DPH6: variants seen among roughly 807,000 people sequenced by gnomAD.
DPH6 encodes the protein diphthine--ammonia ligase.
A neutral mutation model predicts 38.2 loss-of-function variants in DPH6; 33 were observed. That is an observed-to-expected ratio of 0.86 (90% confidence interval 0.65 to 1.15). The LOEUF (loss-of-function observed/expected upper bound fraction) is 1.15, where lower values mean the gene tolerates loss of function less well. DPH6 is among the 50% of genes most tolerant of loss of function. The pLI is 0.00. For synonymous variants in DPH6, 108 were observed against 103.0 expected (o/e 1.05, Z -0.30); for missense variants, 325 against 320.0 (o/e 1.02, Z -0.12).
intron 3 of DPH6, among the ~76,000 whole-genome samples, chr15:35,304,581 C>G (rs756406875): frequency 6.6e-6 from 1 of 152,068 alleles, no homozygotes; most frequent in Non-Finnish European, 1.5e-5. Flanking sequence ...AATGCCAAAT[C>G]CAGTTATCAA....
At chr15:35,467,882 AAAATGTTGTGCTATGACATT>A (rs1398196052) in intron 3 of DPH6, among the ~76,000 whole-genome samples, 118 of 152,352 alleles carry the variant, frequency 7.7e-4, no homozygotes, top group African/African-American at 2.7e-3. Flanking sequence ...ACACATGAGT[AAAATGTTGTGCTATGACATT>A]AAGATGGCTG....
In DPH6 at chr15:35,493,186, CAA is replaced by C. The variant is rs1328110002; in HGVS notation, c.313-38368_313-38367del. ...CAGAAATTGAATTTATAGTCACAAA[CAA>C]AAGCTAATTGGATCATTTATTGTTT... On this transcript the variant is annotated intron_variant, in intron 3 of 8. Transcript: ENST00000256538. Among the ~76,000 whole-genome samples, 3 of 150,338 alleles carry C rather than the reference CAA, an allele frequency of 2.0e-5. No homozygotes were observed. The East Asian group carries it at 5.9e-4, about 29-fold the overall frequency.
the DPH6 span, among the ~76,000 whole-genome samples, chr15:35,153,828 C>T: frequency 1.7e-4 from 26 of 152,042 alleles, no homozygotes; most frequent in African/African-American, 6.0e-4. Flanking sequence ...GACATGAATG[C>T]TTGAGGTAGG....
chr15:35,276,594 T>C (rs945987691), intron 3 of DPH6, among the ~76,000 whole-genome samples: 2 of 152,208 alleles, frequency 1.3e-5, no homozygotes, highest in African/African-American at 4.8e-5. Flanking sequence ...TTGATCCATA[T>C]TGTGTTGATT....
chr15:35,442,253 A>T (rs1430124342), intron 5 of DPH6, among the ~76,000 whole-genome samples: 1 of 152,220 alleles, frequency 6.6e-6, no homozygotes, highest in Non-Finnish European at 1.5e-5. Flanking sequence ...AGATATACAA[A>T]GGGCCAATAA....
At chr15:35,356,781 G>A (rs1202589222) in intron 3 of DPH6, among the ~76,000 whole-genome samples, 2 of 152,192 alleles carry the variant, frequency 1.3e-5, no homozygotes, top group Non-Finnish European at 2.9e-5. Context: ...CAAGCTGCAT[G>A]CTGGGAGAAC....
At chr15:35,241,477 C>T (rs1297766538) in intron 3 of DPH6, among the ~76,000 whole-genome samples, 1 of 143,310 alleles carries the variant, frequency 7.0e-6, no homozygotes, top group Non-Finnish European at 1.5e-5. Context: ...CCAACTTAGA[C>T]AACACTCTTT....
chr15:35,449,433 A>G (rs1176308693), intron 5 of DPH6, among the ~76,000 whole-genome samples: 3 of 152,112 alleles, frequency 2.0e-5, no homozygotes, highest in East Asian at 1.9e-4. Context: ...TATCTTTTCA[A>G]TAAGGGAGGT....
intron 3 of DPH6, among the ~76,000 whole-genome samples, chr15:35,221,046 C>A (rs1230283714): frequency 6.6e-6 from 1 of 152,166 alleles, no homozygotes; most frequent in Admixed American, 6.5e-5. Flanking sequence ...TCCAAAACAC[C>A]AAGGCGGAAC....
intron 3 of DPH6, among the ~76,000 whole-genome samples, chr15:35,311,765 A>G (rs1309972357): frequency 6.6e-6 from 1 of 152,222 alleles, no homozygotes; most frequent in African/African-American, 2.4e-5. Context: ...TTTTTAAAAT[A>G]GAGTTGTCCA....
At chr15:35,489,866 A>G (rs1377770719) in intron 3 of DPH6, 18 of 968,936 alleles carry the variant, frequency 1.9e-5, no homozygotes, top group Non-Finnish European at 2.1e-5. Flanking sequence ...CCTGGATTAT[A>G]CATTTTTTAA....
At chr15:35,237,559 G>A in intron 3 of DPH6, 1 of 1,553,020 alleles carries the variant, frequency 6.4e-7, no homozygotes, top group South Asian at 1.1e-5. Flanking sequence ...GAGTCTCGGG[G>A]GGCGTGGAAG....
In DPH6 at chr15:35,532,832, G is replaced by A. The variant is rs77627863; in HGVS notation, c.312+5442C>T. ...TAAAAAAGAAGAATTGGCTGGGCAC[G>A]GTGGCTCACACTTGTAGTCTCAGCA... On this transcript the variant is annotated intron_variant, in intron 3 of 8. Coordinates refer to ENST00000256538, the MANE Select transcript of DPH6 (RefSeq NM_080650.4). Among the ~76,000 whole-genome samples, 1,368 of 152,048 alleles carry A rather than the reference G, an allele frequency of 9.0e-3. 24 individuals carry two copies. The highest frequency in any genetic ancestry group is 0.031 in the African/African-American group (1,290 of 41,518).
At chr15:35,538,630 G>A (rs1486910399) in intron 2 of DPH6, among the ~76,000 whole-genome samples, 163 bp from the exon 3 acceptor site, 2 of 152,072 alleles carry the variant, frequency 1.3e-5, no homozygotes, top group Non-Finnish European at 1.5e-5. Flanking sequence ...CATAAGAATT[G>A]CACATTTGTC....
At chr15:35,196,193 T>G in the DPH6 span, among the ~76,000 whole-genome samples, 1 of 152,200 alleles carries the variant, frequency 6.6e-6, no homozygotes, top group African/African-American at 2.4e-5. Flanking sequence ...CAGGTATTAA[T>G]GATAACATTG....
At chr15:35,153,428 G>A in the DPH6 span, among the ~76,000 whole-genome samples, 2 of 152,040 alleles carry the variant, frequency 1.3e-5, no homozygotes, top group East Asian at 1.9e-4. Context: ...TGAGGGTGTC[G>A]AACTAAAGAA....
chr15:35,415,184 A>C (rs951044651), intron 5 of DPH6, among the ~76,000 whole-genome samples: 2 of 151,982 alleles, frequency 1.3e-5, no homozygotes, highest in Non-Finnish European at 2.9e-5. Flanking sequence ...AAATATGTTA[A>C]AATCCAAAGC....
In DPH6 at chr15:35,506,975, G is replaced by A. The variant is rs752305209; in HGVS notation, c.312+31299C>T. ...GTCAGAGAAAAAAAAAGGTTGGGGT[G>A]GGAGAAACTTGTATCCTACACTGCT... is the stretch of plus-strand genomic sequence containing the variant. On this transcript the variant is annotated intron_variant, in intron 3 of 8. Transcript: ENST00000256538. Among the ~76,000 whole-genome samples the A allele has an allele frequency of 2.0e-4, 30 of 152,128 alleles. No individual in the cohort carries two copies. In the Middle Eastern group the frequency reaches 0.01, roughly 52 times the overall value.
At chr15:35,265,424 C>G (rs1004334971) in intron 3 of DPH6, among the ~76,000 whole-genome samples, 1 of 152,182 alleles carries the variant, frequency 6.6e-6, no homozygotes, top group Non-Finnish European at 1.5e-5. Context: ...CCAGACTGAA[C>G]TGACATTCTT....
Sources: allele counts gnomAD v4.1 joint callset (sites outside exome capture counted in the v4.1 genomes callset), GRCh38; gene constraint gnomAD v4.1.1; transcripts MANE v1.5; gene names NCBI Gene and HGNC (gene_info 2026-07-23, HGNC 2026-07-21).